The following CCDC167 variants were observed in gnomAD, a reference collection of about 807,000 sequenced individuals.
CCDC167 encodes coiled-coil domain-containing protein 167.
A neutral mutation model predicts 12.7 loss-of-function variants in CCDC167; 15 were observed. The ratio of observed to expected loss-of-function variants is 1.18; its 90% CI spans 0.79 to 1.81. The LOEUF is 1.81. Ranked by LOEUF, CCDC167 falls within the 40% of genes most tolerant of loss-of-function variation. The pLI is 0.00. For synonymous variants in CCDC167, 52 were observed against 49.0 expected (o/e 1.06, Z -0.26); for missense variants, 121 against 120.1 (o/e 1.01, Z -0.03).
chr6:37,495,323 G>A (rs1762085796), intron 1 of CCDC167, among the ~76,000 whole-genome samples: 2 of 152,172 alleles, frequency 1.3e-5, no homozygotes, highest in South Asian at 4.1e-4. Flanking sequence ...AGTTTGAACA[G>A]TCCAGCTACA....
intron 1 of CCDC167, among the ~76,000 whole-genome samples, chr6:37,497,299 TG>T (rs1762107774): frequency 6.6e-6 from 1 of 152,236 alleles, no homozygotes; most frequent in South Asian, 2.1e-4. Flanking sequence ...TGCAAGCCTA[TG>T]GACACAACAT....
intron 1 of CCDC167, among the ~76,000 whole-genome samples, chr6:37,485,897 T>G (rs1761936604): frequency 6.6e-6 from 1 of 152,230 alleles, no homozygotes; most frequent in Non-Finnish European, 1.5e-5. Context: ...TTTCCATTTG[T>G]TTGATTAGAG....
At chr6:37,498,304 G>C (rs1244252911) in intron 1 of CCDC167, among the ~76,000 whole-genome samples, 1 of 152,018 alleles carries the variant, frequency 6.6e-6, no homozygotes, top group African/African-American at 2.4e-5. Flanking sequence ...TGAAGCCACT[G>C]AGTTTTGGAG....
intron 1 of CCDC167, 126 bp downstream of exon 1, chr6:37,499,696 C>A: frequency 9.0e-7 from 1 of 1,109,406 alleles, no homozygotes; most frequent in Non-Finnish European, 1.4e-6. Flanking sequence ...GTCCCTCTCC[C>A]CAAACCGCGT....
chr6:37,493,230 C>A (rs1762046190), intron 1 of CCDC167, among the ~76,000 whole-genome samples: 1 of 152,246 alleles, frequency 6.6e-6, no homozygotes, highest in South Asian at 2.1e-4. Context: ...GCCGAGCCAG[C>A]CTTGCAAGTT....
At chr6:37,499,713 C>A in intron 1 of CCDC167, 109 bp downstream of exon 1, 3 of 1,264,334 alleles carry the variant, frequency 2.4e-6, no homozygotes, top group Non-Finnish European at 3.4e-6. Flanking sequence ...GCGTCGCCCT[C>A]TCATCCTACG....
At chr6:37,497,459 A>C (rs1435025863) in intron 1 of CCDC167, among the ~76,000 whole-genome samples, 1 of 143,614 alleles carries the variant, frequency 7.0e-6, no homozygotes, top group African/African-American at 2.6e-5. Flanking sequence ...TTATCTAAAA[A>C]ACCTGTTTTC....
rs898304043 is a variant in CCDC167, at chr6:37,485,208, C to T, written c.43-14G>A. 1.2e-6 allele frequency: 2 copies of T among 1,602,872 alleles called. No homozygotes were observed. The highest frequency in any genetic ancestry group is 1.7e-6 in the Non-Finnish European group (2 of 1,171,724). ...TAGCCCATCGATCTGAAACAAAGGC[C>T]ACAGAGAGGTGGGCTGCCGAGGCTT... On this transcript the variant is annotated splice_polypyrimidine_tract_variant and intron_variant, in intron 1 of 3. Coordinates refer to ENST00000373408, the MANE Select transcript of CCDC167 (RefSeq NM_138493.3).
Position 37,499,877 on chromosome 6 carries a change from AT to A in CCDC167, c.-15del, listed in dbSNP as rs1282333875. 1.2e-6 allele frequency: 2 copies of A among 1,613,922 alleles called. No homozygotes were observed. The highest frequency in any genetic ancestry group is 1.7e-6 in the Non-Finnish European group (2 of 1,179,974). On this transcript the variant is annotated 5_prime_UTR_variant, in exon 1 of 4. It introduces an in-frame stop codon into an upstream open reading frame of the 5' UTR. Coordinates refer to ENST00000373408, the MANE Select transcript of CCDC167 (RefSeq NM_138493.3). ...CTTTTTAGTCATGTTACTTGCCGGG[AT>A]CCCCCAGTCATCACTGGACGCGCCC...
At chr6:37,492,670 G>C (rs931376657) in intron 1 of CCDC167, among the ~76,000 whole-genome samples, 2 of 152,188 alleles carry the variant, frequency 1.3e-5, no homozygotes, top group Non-Finnish European at 2.9e-5. Flanking sequence ...CTGGAGAGTG[G>C]TGTCAGCTGT....
intron 1 of CCDC167, among the ~76,000 whole-genome samples, chr6:37,497,988 T>C (rs1338567547): frequency 6.6e-6 from 1 of 152,198 alleles, no homozygotes; most frequent in Non-Finnish European, 1.5e-5. Context: ...AGGCAGGGCA[T>C]CATCACCTGT....
Position 37,484,970 on chromosome 6 carries a change from G to A in CCDC167, c.138-108C>T. On this transcript the variant is annotated intron_variant, in intron 2 of 3. Coordinates refer to ENST00000373408, the MANE Select transcript of CCDC167 (RefSeq NM_138493.3). ...CTTGGGTCTTGTTCGGCGGCAGGGG[G>A]GGTGTGCACTGAAGCTAAGATGTCA... 4.8e-6 allele frequency: 7 copies of A among 1,472,008 alleles called. No individual in the cohort carries two copies. In the South Asian group the frequency reaches 7.9e-5, roughly 17 times the overall value. 91.2% of individuals were successfully genotyped at this position (1,472,008 alleles called of 1,614,324 possible). A position where few individuals can be genotyped will look rare whatever the true frequency, so the allele number is the denominator to read the frequency against.
chr6:37,494,490 C>T (rs1561799896), intron 1 of CCDC167, among the ~76,000 whole-genome samples: 1 of 152,220 alleles, frequency 6.6e-6, no homozygotes, highest in Non-Finnish European at 1.5e-5. Context: ...GCTCCTTTGC[C>T]CACCTCTACT....
At chr6:37,495,165 A>G (rs1052424626) in intron 1 of CCDC167, among the ~76,000 whole-genome samples, 12 of 152,208 alleles carry the variant, frequency 7.9e-5, no homozygotes, top group African/African-American at 2.2e-4. Flanking sequence ...TCAGTTTTCT[A>G]TAACTTGTAG....
rs188157505 is a variant in CCDC167 at position 37,483,248 on chromosome 6, T to G, written c.232A>C (p.Met78Leu). The G allele has an allele frequency of 4.3e-6, 7 of 1,613,938 alleles. No homozygotes were observed. The highest frequency in any genetic ancestry group is 5.9e-6 in the Non-Finnish European group (7 of 1,179,980). The change falls in exon 4 of 4, where the codon ATG becomes CTG. Residue 78 changes from methionine (M) to leucine (L), a missense_variant. Physicochemically the swap from Met to Leu is conservative, Grantham distance 15. Transcript: ENST00000373408. ...KFLRQENRKN[M>L]LLSVAIFILL... ...ATAAAGATGGCCACAGAGAGCAGCA[T>G]GTTCTTCCGGTTCTCTTGCCGAAGA...
At chr6:37,489,515 G>A (rs1411353508) in intron 1 of CCDC167, among the ~76,000 whole-genome samples, 3 of 152,226 alleles carry the variant, frequency 2.0e-5, no homozygotes, top group Admixed American at 1.3e-4. Context: ...GCCAGGGCCA[G>A]GTTGCAGACA....
intron 1 of CCDC167, among the ~76,000 whole-genome samples, chr6:37,497,023 G>A (rs1762105026): frequency 6.6e-6 from 1 of 152,228 alleles, no homozygotes; most frequent in Non-Finnish European, 1.5e-5. Flanking sequence ...TGAAGCCACA[G>A]AGGAAGGGAA....
intron 1 of CCDC167, among the ~76,000 whole-genome samples, chr6:37,485,883 G>A (rs1021296007): frequency 6.6e-6 from 1 of 152,198 alleles, no homozygotes; most frequent in African/African-American, 2.4e-5. Context: ...TAAGGTATCT[G>A]TTTTTTCCAT....
intron 1 of CCDC167, among the ~76,000 whole-genome samples, chr6:37,498,181 T>G (rs1047387867): frequency 3.9e-5 from 6 of 152,106 alleles, no homozygotes; most frequent in Non-Finnish European, 8.8e-5. Flanking sequence ...CCCAGACCAT[T>G]TGGCTCTCTA....
Sources: allele counts gnomAD v4.1 joint callset (sites outside exome capture counted in the v4.1 genomes callset), GRCh38; gene constraint gnomAD v4.1.1; transcripts MANE v1.5; gene names NCBI Gene and HGNC (gene_info 2026-07-23, HGNC 2026-07-21).